Variants in MAEL observed in about 807,000 individuals in gnomAD.
MAEL encodes maelstrom spermatogenic transposon silencer, also known as protein maelstrom homolog.
Under a neutral mutation model 62.0 loss-of-function variants are expected in MAEL, and 46 were observed. The observed-to-expected ratio is 0.74, with a 90% CI of 0.59 to 0.95. The LOEUF is 0.95. Among genes scored for constraint, MAEL ranks in the 40% least tolerant of loss-of-function variants. The pLI is 0.00. For missense variants in MAEL, 497 were observed against 526.8 expected, an observed-to-expected ratio of 0.94 and a Z score of 0.55; for synonymous variants, 172 against 175.5, an observed-to-expected ratio of 0.98 and a Z score of 0.16.
chr1:166,993,571 A>G (rs756185686), intron 4 of MAEL, among the ~76,000 whole-genome samples: 1 of 152,224 alleles, frequency 6.6e-6, no homozygotes, highest in African/African-American at 2.4e-5. Flanking sequence ...AGAAAAGCTA[A>G]TCATCCTACT....
upstream of MAEL, among the ~76,000 whole-genome samples, chr1:166,987,545 TATG>T (rs562527106): frequency 7.2e-5 from 11 of 152,326 alleles, no homozygotes; most frequent in East Asian, 2.1e-3. Context: ...TGCTGGGTCC[TATG>T]ATAAGTATAA....
At chr1:166,977,690 A>C (rs1663634470) in intron 1 of MAEL, among the ~76,000 whole-genome samples, 2 of 152,220 alleles carry the variant, frequency 1.3e-5, no homozygotes, top group African/African-American at 4.8e-5. Context: ...GCAGTGGCTC[A>C]CACCTGTAAT....
chr1:166,997,099 T>TA (rs1664462037), intron 5 of MAEL, among the ~76,000 whole-genome samples: 1 of 152,260 alleles, frequency 6.6e-6, no homozygotes, highest in African/African-American at 2.4e-5. Flanking sequence ...GTGCTGGGCT[T>TA]ACAGGCGTGA....
intron 5 of MAEL, among the ~76,000 whole-genome samples, chr1:167,001,904 C>T (rs1454344952): frequency 6.6e-6 from 1 of 152,198 alleles, no homozygotes; most frequent in Non-Finnish European, 1.5e-5. Flanking sequence ...GCCTCAGCCT[C>T]CTGAGTAGCT....
chr1:166,995,560 T>G, intron 5 of MAEL, among the ~76,000 whole-genome samples: 1 of 152,112 alleles, frequency 6.6e-6, no homozygotes, highest in East Asian at 1.9e-4. Context: ...CTTATATAGC[T>G]TTGAATGGAA....
intron 10 of MAEL, among the ~76,000 whole-genome samples, chr1:167,020,348 A>G (rs952861565): frequency 1.3e-5 from 2 of 152,024 alleles, no homozygotes; most frequent in African/African-American, 4.8e-5. Flanking sequence ...GATTACATGT[A>G]ACTCTTCACC....
chr1:166,979,999 T>C (rs1663709689), intron 1 of MAEL, among the ~76,000 whole-genome samples: 1 of 152,194 alleles, frequency 6.6e-6, no homozygotes. Flanking sequence ...TTCATTTATA[T>C]TTTTTCTTTA....
Position 166,989,621 on chromosome 1 carries a change from C to T in MAEL, c.133-116C>T, listed in dbSNP as rs147880720. On this transcript the variant is annotated intron_variant, in intron 1 of 11. Transcript: ENST00000367872. ...AAGAGGAAGGCCCCCGTTTGTGGCC[C>T]TGGGCAAACCGACACCAGAACCACC... The T allele has an allele frequency of 1.4e-3, 2,034 of 1,466,604 alleles. 25 individuals are homozygous for T. In the African/African-American group the frequency reaches 0.026, roughly 19 times the overall value. 90.8% of individuals were successfully genotyped at this position (1,466,604 alleles called of 1,614,324 possible). A position where few individuals can be genotyped will look rare whatever the true frequency, so the allele number is the denominator to read the frequency against.
At chr1:166,979,966 G>A (rs1339795879) in intron 1 of MAEL, among the ~76,000 whole-genome samples, 2 of 152,054 alleles carry the variant, frequency 1.3e-5, no homozygotes, top group Admixed American at 1.3e-4. Context: ...GAGTAACAAT[G>A]GTTATCTCTG....
intron 5 of MAEL, among the ~76,000 whole-genome samples, chr1:166,998,515 T>C (rs1440407086): frequency 6.6e-6 from 1 of 152,214 alleles, no homozygotes; most frequent in Non-Finnish European, 1.5e-5. Flanking sequence ...CTTTCTAATC[T>C]ACATATCTTC....
intron 1 of MAEL, among the ~76,000 whole-genome samples, chr1:166,980,422 C>A (rs965075753): frequency 6.6e-6 from 1 of 152,136 alleles, no homozygotes; most frequent in African/African-American, 2.4e-5. Flanking sequence ...TGAATTTGTC[C>A]TCCAGTCTCT....
At chr1:167,016,038 T>C (rs183155211) in intron 8 of MAEL, 184 bp from the exon 9 acceptor site, 1 of 625,968 alleles carries the variant, frequency 1.6e-6, no homozygotes, top group Admixed American at 2.6e-5. Flanking sequence ...TTGCGTAGTA[T>C]CATGAATTTG....
At chr1:166,977,908 G>A (rs892668528) in intron 1 of MAEL, among the ~76,000 whole-genome samples, 2 of 152,176 alleles carry the variant, frequency 1.3e-5, no homozygotes, top group African/African-American at 2.4e-5. Context: ...CTGTGACCAC[G>A]CTACTGGACT....
chr1:166,978,283 G>C (rs1005958299), intron 1 of MAEL, among the ~76,000 whole-genome samples: 74 of 152,300 alleles, frequency 4.9e-4, no homozygotes, highest in African/African-American at 1.7e-3. Flanking sequence ...GTGGCGCCCA[G>C]GCCATCCTGA....
In MAEL at chr1:166,989,497, C is replaced by CGGAG; in HGVS notation, c.132+14_132+17dup. 6.3e-7 allele frequency: 1 copy of CGGAG among 1,579,958 alleles called. No homozygotes were observed. Among genetic ancestry groups the CGGAG allele is most frequent in the Admixed American group, 1.8e-5 (1 of 54,310 alleles). On this transcript the variant is annotated intron_variant, in intron 1 of 11. Coordinates refer to ENST00000367872, the MANE Select transcript of MAEL (RefSeq NM_032858.3). ...CTCAGACTGGGCGGTAAGGCTGGAGCGGAGTGAGAGGGCTGGGCAGGGCAG... is the reference window on the plus strand; with the variant it reads ...CTCAGACTGGGCGGTAAGGCTGGAGCGGAGGGAGTGAGAGGGCTGGGCAGGGCAG...
At chr1:167,000,301 T>G (rs1336826268) in intron 5 of MAEL, among the ~76,000 whole-genome samples, 1 of 152,202 alleles carries the variant, frequency 6.6e-6, no homozygotes, top group African/African-American at 2.4e-5. Context: ...AAAGGTTGTT[T>G]GCAAGGATTA....
chr1:166,975,706 T>A (rs1329868772), intron 1 of MAEL: 2 of 150,108 alleles, frequency 1.3e-5, no homozygotes. Flanking sequence ...AGAGAGGGGG[T>A]CTCTGGGTGG....
chr1:166,998,088 G>A (rs1664504350), intron 5 of MAEL, among the ~76,000 whole-genome samples: 1 of 152,130 alleles, frequency 6.6e-6, no homozygotes, highest in Admixed American at 6.5e-5. Context: ...AAACACAGTA[G>A]TTTGATGATA....
chr1:166,993,471 G>A (rs1297281363), intron 4 of MAEL, among the ~76,000 whole-genome samples: 1 of 152,040 alleles, frequency 6.6e-6, no homozygotes, highest in African/African-American at 2.4e-5. Flanking sequence ...AAGAGATTGG[G>A]GACATGACTT....
Sources: allele counts gnomAD v4.1 joint callset (sites outside exome capture counted in the v4.1 genomes callset), GRCh38; gene constraint gnomAD v4.1.1; transcripts MANE v1.5; gene names NCBI Gene and HGNC (gene_info 2026-07-23, HGNC 2026-07-21).